Variants in CPEB3 observed in about 807,000 individuals in gnomAD.
CPEB3 encodes cytoplasmic polyadenylation element binding protein 3, also known as cytoplasmic polyadenylation element-binding protein 3.
A neutral mutation model predicts 67.2 loss-of-function variants in CPEB3; 20 were observed. The observed-to-expected ratio is 0.30, with a 90% confidence interval of 0.21 to 0.43. CPEB3 has a LOEUF of 0.43. CPEB3 is among the 20% of genes least tolerant of loss of function. CPEB3 has a pLI of 1.00. For missense variants in CPEB3, 746 were observed against 968.6 expected, an observed-to-expected ratio of 0.77 and a Z score of 3.05; for synonymous variants, 376 against 393.1, an observed-to-expected ratio of 0.96 and a Z score of 0.51.
chr10:92,241,265 T>C (rs1378207922), intron 1 of CPEB3, among the ~76,000 whole-genome samples: 1 of 150,508 alleles, frequency 6.6e-6, no homozygotes, highest in Non-Finnish European at 1.5e-5. Context: ...ATGCTTCTGG[T>C]TGGATTTAAG....
At chr10:92,059,326 A>AAAAAAAAAAAAAC (rs1244006002) in intron 9 of CPEB3, among the ~76,000 whole-genome samples, 7 of 39,916 alleles carry the variant, frequency 1.8e-4, no homozygotes, top group South Asian at 7.7e-4. Context: ...AAACTCTGTC[A>AAAAAAAAAAAAAC]AAAAAAAAAC....
At chr10:92,243,506 G>A (rs1851935760) in intron 1 of CPEB3, among the ~76,000 whole-genome samples, 1 of 152,104 alleles carries the variant, frequency 6.6e-6, no homozygotes, top group Non-Finnish European at 1.5e-5. Flanking sequence ...ACTTGCCATA[G>A]GAAGCCAGGA....
At chr10:92,200,586 GA>G (rs1181021651) in intron 2 of CPEB3, among the ~76,000 whole-genome samples, 2 of 145,920 alleles carry the variant, frequency 1.4e-5, no homozygotes, top group Non-Finnish European at 3.0e-5. Context: ...GGCATACAGA[GA>G]AATTATAGAT....
rs1841885535 is a variant in CPEB3, at chr10:92,051,195, T to C, written c.*1017A>G. ...TTTATTGAGGCATGCCTTCCTCCGG[T>C]CAATTACCAATTCTTTGAATGAAAA... On this transcript the variant is annotated 3_prime_UTR_variant, in exon 10 of 10. Coordinates refer to ENST00000265997, the MANE Select transcript of CPEB3 (RefSeq NM_014912.5). The C allele has an allele frequency of 6.6e-6, 1 of 152,598 alleles. No homozygotes were observed. Among genetic ancestry groups the C allele is most frequent in the African/African-American group, 2.4e-5 (1 of 41,450 alleles). 9.5% of individuals were successfully genotyped at this position (152,598 alleles called of 1,614,324 possible).
intron 6 of CPEB3, chr10:92,118,941 T>C (rs752824857): frequency 9.5e-5 from 121 of 1,273,412 alleles, no homozygotes; most frequent in Middle Eastern, 1.9e-4. Flanking sequence ...CCTGGGAACT[T>C]TGAGTCTTAT....
At chr10:92,161,433 A>C (rs1847472259) in intron 4 of CPEB3, among the ~76,000 whole-genome samples, 1 of 151,812 alleles carries the variant, frequency 6.6e-6, no homozygotes, top group South Asian at 2.1e-4. Context: ...CACCTTGCCC[A>C]GCTAATTTTT....
chr10:92,126,209 G>A (rs566580859), intron 6 of CPEB3, among the ~76,000 whole-genome samples: 1 of 152,238 alleles, frequency 6.6e-6, no homozygotes, highest in South Asian at 2.1e-4. Context: ...TGGATAATTA[G>A]TAACTTCCAC....
At position 92,211,890 on chromosome 10, in the gene CPEB3, G is replaced by A. The variant is rs773277677; in HGVS notation, c.1006-19254C>T. On this transcript the variant is annotated intron_variant, in intron 2 of 9. Coordinates refer to ENST00000265997, the MANE Select transcript of CPEB3 (RefSeq NM_014912.5). The stretch of plus-strand genomic sequence containing the variant: ...ATATATCTTTTTCTTTTTTTGAGAC[G>A]GAGTTTCACTTTGTTGCCCAGGCTG... Among the ~76,000 whole-genome samples the A allele has an allele frequency of 2.2e-4, 30 of 137,512 alleles. No individual in the cohort carries two copies. The South Asian group carries it at 2.3e-3, about 11-fold the overall frequency. 90.2% of individuals were successfully genotyped at this position (137,512 alleles called of 152,430 possible).
At chr10:92,120,351 G>A (rs55817824) in intron 6 of CPEB3, among the ~76,000 whole-genome samples, 2,133 of 152,064 alleles carry the variant, frequency 0.014, 47 homozygotes, top group African/African-American at 0.047. Flanking sequence ...TTGGGAGGCC[G>A]AGGAAGGAGG....
chr10:92,256,833 ATTTATTC>A (rs1852537789), intron 1 of CPEB3, among the ~76,000 whole-genome samples: 1 of 152,156 alleles, frequency 6.6e-6, no homozygotes, highest in African/African-American at 2.4e-5. Context: ...CTATTACAGT[ATTTATTC>A]TTCATATTTC....
At position 92,289,732 on chromosome 10, in the gene CPEB3, A is replaced by AAAAATATATAT; in HGVS notation, c.-12+1193_-12+1194insATATATATTTT. Among the ~76,000 whole-genome samples the AAAAATATATAT allele has an allele frequency of 3.3e-4, 25 of 75,760 alleles. 1 individual carries two copies. Among genetic ancestry groups the AAAAATATATAT allele is most frequent in the African/African-American group, 4.6e-4 (9 of 19,590 alleles). The allele number at this position is 75,760 out of a possible 152,430, so 49.7% of individuals were successfully genotyped here. A position where few individuals can be genotyped will look rare whatever the true frequency, so the allele number is the denominator to read the frequency against. ...CGCGTCTCTACCAAAAAAAAAAAAA[A>AAAAATATATAT]ATATATATATATATATATATATATA... On this transcript the variant is annotated intron_variant, in intron 1 of 9. Coordinates refer to ENST00000265997, the MANE Select transcript of CPEB3 (RefSeq NM_014912.5).
intron 7 of CPEB3, among the ~76,000 whole-genome samples, chr10:92,109,911 T>C (rs1844651430): frequency 6.6e-6 from 1 of 152,208 alleles, no homozygotes; most frequent in African/African-American, 2.4e-5. Flanking sequence ...TCTTGCTCTA[T>C]TGAATCCTAT....
intron 4 of CPEB3, among the ~76,000 whole-genome samples, chr10:92,153,915 A>C (rs1847082539): frequency 6.6e-6 from 1 of 152,020 alleles, no homozygotes; most frequent in Non-Finnish European, 1.5e-5. Context: ...GTAGGCAAAA[A>C]TCCAAAATGA....
At chr10:92,167,161 G>T (rs570806540) in intron 4 of CPEB3, among the ~76,000 whole-genome samples, 1 of 152,290 alleles carries the variant, frequency 6.6e-6, no homozygotes, top group South Asian at 2.1e-4. Context: ...GTTGTGGCTG[G>T]TTTGTTCTTT....
At chr10:92,245,361 C>G (rs954613041) in intron 1 of CPEB3, among the ~76,000 whole-genome samples, 5 of 151,996 alleles carry the variant, frequency 3.3e-5, no homozygotes, top group Non-Finnish European at 7.4e-5. Context: ...TGGTCTCAAA[C>G]TCCTGACCTC....
intron 7 of CPEB3, among the ~76,000 whole-genome samples, chr10:92,104,283 T>C (rs1024582972): frequency 6.6e-6 from 1 of 152,162 alleles, no homozygotes; most frequent in Non-Finnish European, 1.5e-5. Flanking sequence ...CAAGTATTCT[T>C]CAGAACACAC....
chr10:92,062,432 C>T (rs1842390645), intron 9 of CPEB3, among the ~76,000 whole-genome samples: 1 of 151,916 alleles, frequency 6.6e-6, no homozygotes, highest in Admixed American at 6.6e-5. Context: ...TAGGTTGGCT[C>T]GTATTGAAGG....
intron 1 of CPEB3, among the ~76,000 whole-genome samples, chr10:92,264,477 T>C (rs1037069357): frequency 6.6e-6 from 1 of 152,196 alleles, no homozygotes; most frequent in Admixed American, 6.5e-5. Flanking sequence ...ATAACATCAG[T>C]GTCTACATTT....
intron 9 of CPEB3, among the ~76,000 whole-genome samples, chr10:92,071,214 A>G (rs1317206369): frequency 6.6e-6 from 1 of 152,130 alleles, no homozygotes; most frequent in Non-Finnish European, 1.5e-5. Context: ...TATGGGATGT[A>G]TTGGGAAACT....
Sources: gnomAD v4.1 joint callset for allele counts (sites outside exome capture counted in the v4.1 genomes callset) on GRCh38, gnomAD v4.1.1 for gene constraint, MANE v1.5 for transcripts, NCBI Gene and HGNC (gene_info 2026-07-23, HGNC 2026-07-21) for gene names.